NBPF8: variants seen among roughly 807,000 people sequenced by gnomAD.
NBPF8 encodes NBPF family member NBPF8.
exon 23 of NBPF8, chr1:120,464,524 G>C: frequency 1.0e-6 from 1 of 981,274 alleles, no homozygotes; most frequent in Admixed American, 1.7e-5. Flanking sequence ...GGAAAAACAT[G>C]TTGGCTTTTC....
downstream of NBPF8, among the ~76,000 whole-genome samples, chr1:120,468,099 A>AATT: frequency 6.6e-6 from 1 of 150,946 alleles, no homozygotes; most frequent in Non-Finnish European, 1.5e-5. Context: ...TATAGTTTTA[A>AATT]ATTATAACTT....
At chr1:120,454,326 A>T (rs1661373566) in intron 15 of NBPF8, among the ~76,000 whole-genome samples, 1 of 152,144 alleles carries the variant, frequency 6.6e-6, no homozygotes, top group Admixed American at 6.6e-5. Context: ...GGCAAGTGTG[A>T]CAATCTCATA....
At chr1:120,421,279 C>T (rs1570924058) in intron 1 of NBPF8, among the ~76,000 whole-genome samples, 1 of 152,264 alleles carries the variant, frequency 6.6e-6, no homozygotes, top group African/African-American at 2.4e-5. Context: ...TTAGCGTGTT[C>T]CTGTTAATGG....
exon 23 of NBPF8, chr1:120,464,523 T>G: frequency 1.0e-6 from 1 of 980,766 alleles, no homozygotes; most frequent in East Asian, 2.4e-5. Context: ...AGGAAAAACA[T>G]GTTGGCTTTT....
At chr1:120,435,959 T>C (rs1165732946), upstream of NBPF8, among the ~76,000 whole-genome samples, 3 of 151,954 alleles carry the variant, frequency 2.0e-5, no homozygotes, top group African/African-American at 7.3e-5. Flanking sequence ...ATATAACCTG[T>C]TGGGAAACTG....
intron 13 of NBPF8, among the ~76,000 whole-genome samples, chr1:120,452,651 A>T (rs2101679636): frequency 6.6e-6 from 1 of 152,378 alleles, no homozygotes; most frequent in East Asian, 1.9e-4. Flanking sequence ...CTGGACTAAG[A>T]ATGAAGGTTC....
upstream of NBPF8, among the ~76,000 whole-genome samples, chr1:120,435,743 G>C (rs1661055116): frequency 6.6e-6 from 1 of 151,738 alleles, no homozygotes; most frequent in African/African-American, 2.4e-5. Flanking sequence ...GCGGGCGCCT[G>C]TATTCCCAGC....
At chr1:120,435,569 C>T (rs1271766802), upstream of NBPF8, among the ~76,000 whole-genome samples, 1,278 of 139,488 alleles carry the variant, frequency 9.2e-3, 30 homozygotes, top group African/African-American at 0.035. Flanking sequence ...GTCGGCCGGG[C>T]GCGGTGGCTC....
At chr1:120,422,999 A>T in intron 1 of NBPF8, among the ~76,000 whole-genome samples, 1 of 107,218 alleles carries the variant, frequency 9.3e-6, no homozygotes. Context: ...TTTAGTTCTC[A>T]GAATTCTTCA....
Position 120,446,156 on chromosome 1 carries a change from A to T in NBPF8, n.1476+113A>T. ...AGTGGGGTTTTTTTCTGCTACACCT[A>T]TGTGGCCATGACATGACCAGGACTT... is the stretch of plus-strand genomic sequence containing the variant. On this transcript the variant is annotated intron_variant and non_coding_transcript_variant, in intron 8 of 24. Coordinates refer to ENST00000583271, the Ensembl canonical transcript of NBPF8. The T allele has an allele frequency of 3.1e-6, 5 of 1,595,754 alleles. No individual in the cohort carries two copies. The South Asian group carries it at 4.4e-5, about 14-fold the overall frequency.
At chr1:120,431,391 TATATATATATAC>T, upstream of NBPF8, among the ~76,000 whole-genome samples, 1 of 62,558 alleles carries the variant, frequency 1.6e-5, no homozygotes, top group East Asian at 2.6e-4. Context: ...TATATATATA[TATATATATATAC>T]AGACACACAC....
Position 120,460,305 on chromosome 1 carries a change from A to T in NBPF8, n.2785-268A>T, listed in dbSNP as rs1226539628. Among the ~76,000 whole-genome samples, 1,445 of 152,222 alleles carry T rather than the reference A, an allele frequency of 9.5e-3. 22 individuals carry two copies. Among genetic ancestry groups the T allele is most frequent in the African/African-American group, 0.033 (1,374 of 41,518 alleles). ...TTTGCCTACAATTTATTGGGGAAAA[A>T]ATTGCTCATTTGTGTACATAAACCT... On this transcript the variant is annotated intron_variant and non_coding_transcript_variant, in intron 17 of 24. Transcript: ENST00000583271.
chr1:120,428,894 C>T (rs1287269037), intron 3 of NBPF8, among the ~76,000 whole-genome samples: 3 of 151,632 alleles, frequency 2.0e-5, no homozygotes, highest in African/African-American at 7.3e-5. Flanking sequence ...ATCTTGACTC[C>T]TGGTTGAGTG....
Position 120,428,886 on chromosome 1 carries a change from C to A in NBPF8, n.510+1039C>A, listed in dbSNP as rs1240954654. 1.4e-4 allele frequency among the ~76,000 whole-genome samples: 21 copies of A among 151,836 alleles called. No individual in the cohort carries two copies. The East Asian group carries it at 2.3e-3, about 17-fold the overall frequency. ...GAACAACAGTTGAAAATAACAATATCTTGACTCCTGGTTGAGTGCTTTACA... is the reference window on the plus strand; with the variant it reads ...GAACAACAGTTGAAAATAACAATATATTGACTCCTGGTTGAGTGCTTTACA... On this transcript the variant is annotated intron_variant and non_coding_transcript_variant, in intron 3 of 28. Coordinates refer to the NBPF8 transcript ENST00000652355.
At chr1:120,434,415 TTA>T (rs55708778), upstream of NBPF8, among the ~76,000 whole-genome samples, 2 of 145,184 alleles carry the variant, frequency 1.4e-5, no homozygotes, top group Admixed American at 7.0e-5. Flanking sequence ...TGTATATATA[TTA>T]TATATATATA....
upstream of NBPF8, among the ~76,000 whole-genome samples, chr1:120,415,811 G>A (rs1418806715): frequency 3.9e-5 from 6 of 152,058 alleles, no homozygotes; most frequent in East Asian, 3.9e-4. Flanking sequence ...CTAATTCACC[G>A]CAGGATTTCC....
At chr1:120,469,158 G>C (rs1227526244), downstream of NBPF8, among the ~76,000 whole-genome samples, 2 of 96,206 alleles carry the variant, frequency 2.1e-5, no homozygotes, top group Non-Finnish European at 4.2e-5. Flanking sequence ...TCTCGTGGCT[G>C]AACTTGTAAA....
chr1:120,466,026 C>T, exon 25 of NBPF8: 1 of 1,611,984 alleles, frequency 6.2e-7, no homozygotes, highest in Non-Finnish European at 8.5e-7. Flanking sequence ...TCTTACAGGA[C>T]TCACTGGATA....
At chr1:120,433,241 G>A (rs1553247261), upstream of NBPF8, 28,137 of 151,302 alleles carry the variant, frequency 0.19, 3,160 homozygotes, top group Non-Finnish European at 0.25. Context: ...AAGCAAGTCG[G>A]TATTGAAGAA....
Sources: gnomAD v4.1 joint callset for allele counts (sites outside exome capture counted in the v4.1 genomes callset) on GRCh38, gnomAD v4.1.1 for gene constraint, MANE v1.5 for transcripts, NCBI Gene and HGNC (gene_info 2026-07-23, HGNC 2026-07-21) for gene names.